The following FGGY variants were observed in gnomAD, a reference collection of about 807,000 sequenced individuals.
FGGY encodes the protein FGGY carbohydrate kinase domain containing.
A neutral mutation model predicts 71.3 loss-of-function variants in FGGY; 72 were observed. The ratio of observed to expected loss-of-function variants is 1.01; its 90% CI spans 0.84 to 1.23. The LOEUF (loss-of-function observed/expected upper bound fraction) is 1.23, where lower values mean the gene tolerates loss of function less well. Among genes scored for constraint, FGGY ranks in the 50% most tolerant of loss-of-function variants. The pLI is 0.00. For missense variants in FGGY, 668 were observed against 682.3 expected, an observed-to-expected ratio of 0.98 and a Z score of 0.23; for synonymous variants, 251 against 250.3, an observed-to-expected ratio of 1.00 and a Z score of -0.02.
intron 14 of FGGY, among the ~76,000 whole-genome samples, chr1:59,678,077 G>A (rs916445061): frequency 2.0e-5 from 3 of 152,208 alleles, no homozygotes; most frequent in Non-Finnish European, 2.9e-5. Flanking sequence ...CTTTACTAAA[G>A]AGAACAGTCT....
chr1:59,373,093 T>G (rs139943907), intron 4 of FGGY, among the ~76,000 whole-genome samples: 1 of 152,056 alleles, frequency 6.6e-6, no homozygotes, highest in Non-Finnish European at 1.5e-5. Context: ...GAATGGGTAT[T>G]CAATTAGGAA....
At chr1:59,344,748 C>T (rs979678852) in intron 3 of FGGY, among the ~76,000 whole-genome samples, 1 of 152,102 alleles carries the variant, frequency 6.6e-6, no homozygotes, top group Non-Finnish European at 1.5e-5. Context: ...TAGGTAAATA[C>T]TTGTTATACT....
chr1:59,546,398 T>G (rs2095520380), intron 7 of FGGY, among the ~76,000 whole-genome samples: 1 of 127,824 alleles, frequency 7.8e-6, no homozygotes, highest in African/African-American at 3.5e-5. Flanking sequence ...ACCTTCCCTA[T>G]TATCTTGCTC....
At chr1:59,485,605 T>C (rs1485692541) in intron 6 of FGGY, among the ~76,000 whole-genome samples, 2 of 152,166 alleles carry the variant, frequency 1.3e-5, no homozygotes, top group Non-Finnish European at 2.9e-5. Flanking sequence ...TTTGCTTTAT[T>C]AGAAAATCAC....
intron 8 of FGGY, among the ~76,000 whole-genome samples, chr1:59,574,850 GT>G (rs1229849010): frequency 6.6e-6 from 1 of 152,090 alleles, no homozygotes; most frequent in African/African-American, 2.4e-5. Context: ...AAGAAGCAAA[GT>G]TTTATACATC....
chr1:59,754,490 C>T (rs1260051872), intron 14 of FGGY, among the ~76,000 whole-genome samples: 4 of 152,094 alleles, frequency 2.6e-5, no homozygotes, highest in Admixed American at 2.6e-4. Flanking sequence ...GTGGTGCAAT[C>T]TCGATTCACT....
chr1:59,547,109 TGCCTAGCTAATTTTTATATTTGTA>T, intron 7 of FGGY, among the ~76,000 whole-genome samples: 1 of 151,974 alleles, frequency 6.6e-6, no homozygotes, highest in East Asian at 2.0e-4. Flanking sequence ...CGTGCCACCA[TGCCTAGCTAATTTTTATATTTGTA>T]GTAAAGACGG....
intron 7 of FGGY, among the ~76,000 whole-genome samples, chr1:59,521,851 C>T (rs1163701144): frequency 1.3e-5 from 2 of 152,156 alleles, no homozygotes; most frequent in African/African-American, 4.8e-5. Context: ...ATTTAATGGC[C>T]ACAGGCAGCT....
chr1:59,608,541 A>G (rs554879424), intron 9 of FGGY, among the ~76,000 whole-genome samples: 1 of 152,336 alleles, frequency 6.6e-6, no homozygotes, highest in East Asian at 1.9e-4. Flanking sequence ...TTCCTTAAAG[A>G]CAAGGGCCAT....
At chr1:59,399,841 T>G (rs1374609338) in intron 5 of FGGY, among the ~76,000 whole-genome samples, 1 of 152,240 alleles carries the variant, frequency 6.6e-6, no homozygotes, top group African/African-American at 2.4e-5. Flanking sequence ...TATTGATGTG[T>G]GTATGTGTAC....
At chr1:59,424,928 T>C (rs1372425599) in intron 5 of FGGY, among the ~76,000 whole-genome samples, 2 of 152,114 alleles carry the variant, frequency 1.3e-5, no homozygotes, top group South Asian at 2.1e-4. Flanking sequence ...CTTCAGAGAG[T>C]CACAGTTTTA....
intron 1 of FGGY, among the ~76,000 whole-genome samples, chr1:59,298,844 C>G (rs1415197250): frequency 1.3e-5 from 2 of 152,166 alleles, no homozygotes; most frequent in Admixed American, 6.5e-5. Context: ...ATAGAATCAA[C>G]CCAGGTGGTG....
At chr1:59,382,474 G>A (rs1292767160) in intron 5 of FGGY, among the ~76,000 whole-genome samples, 1 of 152,146 alleles carries the variant, frequency 6.6e-6, no homozygotes, top group Non-Finnish European at 1.5e-5. Flanking sequence ...TCTGGCAGGA[G>A]GTCCCTGGAG....
intron 5 of FGGY, among the ~76,000 whole-genome samples, chr1:59,383,641 T>C (rs575681831): frequency 6.6e-6 from 1 of 152,306 alleles, no homozygotes; most frequent in South Asian, 2.1e-4. Context: ...CAGTCTATTC[T>C]CTCTGAAGCC....
At chr1:59,429,609 C>T (rs921270089) in intron 5 of FGGY, among the ~76,000 whole-genome samples, 3 of 152,232 alleles carry the variant, frequency 2.0e-5, no homozygotes, top group African/African-American at 7.2e-5. Context: ...ACTCTTAAAT[C>T]TCATTCCCCT....
intron 9 of FGGY, among the ~76,000 whole-genome samples, chr1:59,609,869 A>G (rs1268378882): frequency 6.6e-6 from 1 of 152,168 alleles, no homozygotes; most frequent in Non-Finnish European, 1.5e-5. Flanking sequence ...AATTAAATGA[A>G]TTGGACCTCA....
At chr1:59,537,696 A>G (rs1390029887) in intron 7 of FGGY, among the ~76,000 whole-genome samples, 1 of 151,964 alleles carries the variant, frequency 6.6e-6, no homozygotes, top group Non-Finnish European at 1.5e-5. Context: ...AACGCCGCAT[A>G]TCTACAACTA....
chr1:59,662,252 G>A (rs375868519), intron 12 of FGGY, among the ~76,000 whole-genome samples: 5 of 150,746 alleles, frequency 3.3e-5, no homozygotes, highest in South Asian at 4.2e-4. Flanking sequence ...CCCGGGAGGC[G>A]GAGCTTGCAG....
intron 8 of FGGY, among the ~76,000 whole-genome samples, chr1:59,606,396 A>G (rs1269222128): frequency 6.6e-6 from 1 of 152,226 alleles, no homozygotes; most frequent in East Asian, 1.9e-4. Context: ...CTATCTTACA[A>G]AAAGTACCAA....
Sources: allele counts gnomAD v4.1 joint callset (sites outside exome capture counted in the v4.1 genomes callset), GRCh38; gene constraint gnomAD v4.1.1; transcripts MANE v1.5; gene names NCBI Gene and HGNC (gene_info 2026-07-23, HGNC 2026-07-21).